The following CSMD1 variants were observed in gnomAD, a reference collection of about 807,000 sequenced individuals.
CSMD1 encodes the protein CUB and Sushi multiple domains 1, also known as CUB and sushi domain-containing protein 1.
A neutral mutation model predicts 417.5 loss-of-function variants in CSMD1; 213 were observed. The observed-to-expected ratio is 0.51, with a 90% CI of 0.46 to 0.57. The LOEUF is 0.57. CSMD1 is among the 20% of genes least tolerant of loss of function. The pLI is 0.00. For missense variants in CSMD1, 6,923 were observed against 4,529.7 expected (o/e 1.53, Z -15.17); for synonymous variants, 2,862 against 1,736.8 (o/e 1.65, Z -16.11).
chr8:3,992,493 G>C (rs1814832163), intron 5 of CSMD1, among the ~76,000 whole-genome samples: 1 of 152,228 alleles, frequency 6.6e-6, no homozygotes, highest in Non-Finnish European at 1.5e-5. Flanking sequence ...ATTTAAGATA[G>C]AAAATATGGG....
chr8:4,443,313 T>G (rs1044840689), intron 2 of CSMD1, among the ~76,000 whole-genome samples: 1 of 152,224 alleles, frequency 6.6e-6, no homozygotes, highest in African/African-American at 2.4e-5. Context: ...TAAACTTAAC[T>G]TATTTTAGAG....
intron 5 of CSMD1, among the ~76,000 whole-genome samples, chr8:3,967,607 GATTT>G (rs1257390846): frequency 6.6e-6 from 1 of 152,032 alleles, no homozygotes; most frequent in Non-Finnish European, 1.5e-5. Flanking sequence ...GTTCACAACT[GATTT>G]ATTTTTACGT....
At chr8:3,564,848 A>T (rs1466925325) in intron 10 of CSMD1, among the ~76,000 whole-genome samples, 1 of 152,026 alleles carries the variant, frequency 6.6e-6, no homozygotes, top group African/African-American at 2.4e-5. Context: ...AAAAAGTTGC[A>T]ACTGTTAAGC....
chr8:3,393,897 G>T (rs1444743201), intron 17 of CSMD1, among the ~76,000 whole-genome samples: 1 of 150,300 alleles, frequency 6.7e-6, no homozygotes, highest in Non-Finnish European at 1.5e-5. Flanking sequence ...TAAATGACGA[G>T]TTAATGGGTG....
chr8:3,297,204 T>C (rs6558759), intron 25 of CSMD1, among the ~76,000 whole-genome samples: 124,346 of 152,116 alleles, frequency 0.82, 51,018 homozygotes, highest in Middle Eastern at 0.87. Flanking sequence ...AGGTATACAA[T>C]ATCAAGGACC....
intron 1 of CSMD1, among the ~76,000 whole-genome samples, chr8:4,837,766 T>A (rs986977642): frequency 3.9e-5 from 6 of 152,142 alleles, no homozygotes; most frequent in Admixed American, 3.9e-4. Flanking sequence ...ACTACATTGT[T>A]TGTAACTCAA....
chr8:3,021,386 G>C (rs951820971), intron 51 of CSMD1, among the ~76,000 whole-genome samples: 2 of 152,164 alleles, frequency 1.3e-5, no homozygotes, highest in African/African-American at 4.8e-5. Context: ...GCAATAACTC[G>C]GAAATCTTGC....
chr8:4,220,742 G>A (rs1002261951), intron 3 of CSMD1, among the ~76,000 whole-genome samples: 3 of 152,206 alleles, frequency 2.0e-5, no homozygotes, highest in East Asian at 1.9e-4. Flanking sequence ...GGATGAGAAA[G>A]ACAGAGAAAC....
chr8:4,628,622 G>A (rs999507523), intron 2 of CSMD1, among the ~76,000 whole-genome samples: 1 of 144,420 alleles, frequency 6.9e-6, no homozygotes, highest in South Asian at 2.2e-4. Flanking sequence ...TAAAAAAAAT[G>A]CTCTCCTCAC....
rs546709888 is a variant in CSMD1, at chr8:4,143,495, G to C, written c.416-111396C>G. Among the ~76,000 whole-genome samples the C allele has an allele frequency of 8.6e-5, 13 of 150,374 alleles. No homozygotes were observed. In the South Asian group the frequency reaches 2.1e-3, roughly 24 times the overall value. On this transcript the variant is annotated intron_variant, in intron 3 of 69. Transcript: ENST00000635120. ...TAATATATGGCTCATAGTTAAAGCT[G>C]GTTAAACTAAAGAAGAAGTTGATAT...
chr8:4,552,482 T>A (rs78344782), intron 2 of CSMD1, among the ~76,000 whole-genome samples: 1 of 152,012 alleles, frequency 6.6e-6, no homozygotes, highest in Non-Finnish European at 1.5e-5. Flanking sequence ...ATTTATTGGG[T>A]GGGAAATTTC....
At chr8:4,295,693 A>G (rs1344259486) in intron 3 of CSMD1, among the ~76,000 whole-genome samples, 2 of 144,584 alleles carry the variant, frequency 1.4e-5, no homozygotes, top group East Asian at 4.0e-4. Context: ...TACATGTTAT[A>G]TATGTTATAT....
rs145626709 is a variant in CSMD1, at chr8:3,985,936, T to TG, written c.818+11966_818+11967insC. Among the ~76,000 whole-genome samples, 229 of 151,372 alleles carry TG rather than the reference T, an allele frequency of 1.5e-3. 1 individual carries two copies. Among genetic ancestry groups the TG allele is most frequent in the African/African-American group, 5.1e-3 (210 of 41,218 alleles). ...TCAAACCATTTTGCATAACTCAATT[T>TG]TTTTTTCTAATTCTAGCCTAAAAGT... On this transcript the variant is annotated intron_variant, in intron 5 of 69. Coordinates refer to ENST00000635120, the MANE Select transcript of CSMD1 (RefSeq NM_033225.6).
intron 3 of CSMD1, among the ~76,000 whole-genome samples, chr8:4,278,590 A>G (rs1278894045): frequency 1.3e-5 from 2 of 152,372 alleles, no homozygotes; most frequent in African/African-American, 4.8e-5. Flanking sequence ...TATTTTTAGA[A>G]AATGATTAAA....
chr8:4,636,816 A>C (rs1386170309), intron 2 of CSMD1, among the ~76,000 whole-genome samples: 1 of 152,182 alleles, frequency 6.6e-6, no homozygotes, highest in African/African-American at 2.4e-5. Context: ...GGGTGAAGCC[A>C]GCTGGACTTC....
chr8:4,225,208 A>G (rs1187188945), intron 3 of CSMD1, among the ~76,000 whole-genome samples: 5 of 152,238 alleles, frequency 3.3e-5, no homozygotes, highest in Non-Finnish European at 4.4e-5. Context: ...GCACACCTCC[A>G]TAAACCAGAG....
chr8:4,630,418 GTCT>G (rs942588549), intron 2 of CSMD1, among the ~76,000 whole-genome samples: 1 of 151,792 alleles, frequency 6.6e-6, no homozygotes, highest in Non-Finnish European at 1.5e-5. Flanking sequence ...GAATTAATTG[GTCT>G]TCTCCTTCTC....
At chr8:2,972,471 C>A (rs1447760938) in intron 57 of CSMD1, among the ~76,000 whole-genome samples, 1 of 152,070 alleles carries the variant, frequency 6.6e-6, no homozygotes, top group Non-Finnish European at 1.5e-5. Context: ...TTTTGAACTC[C>A]GAATACATGG....
intron 3 of CSMD1, among the ~76,000 whole-genome samples, chr8:4,362,568 C>G (rs1235023760): frequency 1.3e-5 from 2 of 152,200 alleles, no homozygotes; most frequent in East Asian, 3.9e-4. Flanking sequence ...GATAATATAG[C>G]CCCGTGAAGT....
Sources: allele counts gnomAD v4.1 joint callset (sites outside exome capture counted in the v4.1 genomes callset), GRCh38; gene constraint gnomAD v4.1.1; transcripts MANE v1.5; gene names NCBI Gene and HGNC (gene_info 2026-07-23, HGNC 2026-07-21).